The following GSS variants were observed in gnomAD, a reference collection of about 807,000 sequenced individuals.
The protein encoded by GSS is GSH synthetase.
Under a neutral mutation model 60.4 loss-of-function variants are expected in GSS, and 34 were observed. The observed-to-expected ratio is 0.56, with a 90% CI of 0.43 to 0.75. The LOEUF (loss-of-function observed/expected upper bound fraction) is 0.75. GSS is among the 30% of genes least tolerant of loss of function. The pLI is 0.00. For missense variants in GSS, 499 were observed against 595.1 expected (o/e 0.84, Z 1.68); for synonymous variants, 224 against 239.0 (o/e 0.94, Z 0.58).
rs1326090282 is a variant in GSS at position 34,951,834 on chromosome 20, T to G, written c.19A>C (p.Ser7Arg). The change falls in exon 2 of 13, where the codon AGC becomes CGC. Residue 7 changes from serine (S) to arginine (R), a missense_variant. Physicochemically the swap from Ser to Arg is moderately radical, Grantham distance 110. Coordinates refer to ENST00000651619, the MANE Select transcript of GSS (RefSeq NM_000178.4). MATNWGSLLQDKQQLEE... is the reference protein window; with the variant it reads MATNWGRLLQDKQQLEE... ...AGCTGCTGTTTATCCTGCAAGAGGC[T>G]CCCCCAGTTGGTGGCCATCCCAACA... 6.2e-7 allele frequency: 1 copy of G among 1,613,958 alleles called. No individual in the cohort carries two copies. Among genetic ancestry groups the G allele is most frequent in the Non-Finnish European group, 8.5e-7 (1 of 1,180,030 alleles).
chr20:34,955,379 A>G (rs1311092398), intron 1 of GSS: 2 of 152,260 alleles, frequency 1.3e-5, no homozygotes, highest in African/African-American at 4.8e-5. Context: ...CGAGGCAACG[A>G]CACGGTCGGC....
In GSS at chr20:34,951,482, T is replaced by C. The variant is rs1022953034; in HGVS notation, c.129+242A>G. The C allele has an allele frequency of 2.0e-4, 105 of 522,998 alleles. 3 individuals carry two copies. Among genetic ancestry groups the C allele is most frequent in the Admixed American group, 2.6e-4 (8 of 30,834 alleles). 32.4% of individuals were successfully genotyped at this position (522,998 alleles called of 1,614,324 possible). ...CCTATTATTATCCCATTTTTACACC[T>C]GAAGAAACTGCAGCTGAGAGCGGTT... is the stretch of plus-strand genomic sequence containing the variant. On this transcript the variant is annotated intron_variant, in intron 2 of 12. Transcript: ENST00000651619.
rs1452277210 is a variant in GSS, at chr20:34,946,093, C to T, written c.135G>A (p.Val45=). 4 of 1,609,076 alleles carry T rather than the reference C, an allele frequency of 2.5e-6. No homozygotes were observed. The highest frequency in any genetic ancestry group is 2.7e-5 in the African/African-American group (2 of 74,820). The part of the protein sequence containing the change: ...TSQEPTSSEV[V]SYAPFTLFPS... ...GGAAGAGCGTGAATGGGGCATAGCT[C>T]ACCACCTGTGATCAAGAAGAGAGAA... Residue 45 remains valine (V), a synonymous_variant, in exon 3 of 13, where the codon GTG becomes GTA. Transcript: ENST00000651619.
Position 34,936,797 on chromosome 20 carries a change from T to TTTCAGA in GSS, c.727_732dup (p.Ser243_Glu244dup). 2 of 1,614,132 alleles carry TTTCAGA rather than the reference T, an allele frequency of 1.2e-6. No individual in the cohort carries two copies. Among genetic ancestry groups the TTTCAGA allele is most frequent in the Non-Finnish European group, 1.7e-6 (2 of 1,179,996 alleles). On this transcript the variant is annotated inframe_insertion, in exon 8 of 13. Transcript: ENST00000651619. Reference sequence around the variant, plus strand: ...CTTCGGTCTTGGTCCAGAGACCCCTTTTCAGAGATATCTTCAAATGTTCGT... The same window carrying TTTCAGA: ...CTTCGGTCTTGGTCCAGAGACCCCTTTTCAGATTCAGAGATATCTTCAAATGTTCGT...
chr20:34,950,963 A>G lies in GSS; in HGVS notation c.129+761T>C, dbSNP rs369624451. 4.5e-4 allele frequency among the ~76,000 whole-genome samples: 69 copies of G among 152,270 alleles called. No individual in the cohort carries two copies. In the East Asian group the frequency reaches 5.8e-3, roughly 13 times the overall value. On this transcript the variant is annotated intron_variant, in intron 2 of 12. Coordinates refer to ENST00000651619, the MANE Select transcript of GSS (RefSeq NM_000178.4). ...TTTTCTTCCCTAAGGATGAGGTTTT[A>G]AAAAGGTGTGGTTTGGACTCAGCAG...
At chr20:34,946,535 A>G (rs182842563) in intron 2 of GSS, 1 of 155,584 alleles carries the variant, frequency 6.4e-6, no homozygotes, top group African/African-American at 2.4e-5. Flanking sequence ...TTGAACCAGA[A>G]CAGTTAACAG....
At chr20:34,942,377 C>A in intron 5 of GSS, 111 bp downstream of exon 5, 1 of 1,031,582 alleles carries the variant, frequency 9.7e-7, no homozygotes, top group East Asian at 2.4e-5. Flanking sequence ...ACATGTGACC[C>A]GGGGCCCAGG....
intron 6 of GSS, among the ~76,000 whole-genome samples, chr20:34,938,161 A>G (rs113894951): frequency 7.9e-5 from 12 of 152,174 alleles, no homozygotes; most frequent in African/African-American, 2.6e-4. Flanking sequence ...CTCAGCCTCC[A>G]AACTCCATTT....
At chr20:34,931,312 C>T (rs768630694) in intron 11 of GSS, 24 bp downstream of exon 11, 2 of 1,575,884 alleles carry the variant, frequency 1.3e-6, no homozygotes, top group Non-Finnish European at 1.7e-6. Flanking sequence ...CATTGAGGAG[C>T]CCTGCAAAGG....
rs150141794 is a variant in GSS at position 34,929,449 on chromosome 20, C to T, written c.1253G>A (p.Arg418Gln). The change falls in exon 12 of 13, where the codon CGA (arginine) becomes CAA (glutamine). Residue 418 changes from arginine (R) to glutamine (Q), a missense_variant. By Grantham distance (43) the Arg-to-Gln change is conservative. Coordinates refer to ENST00000651619, the MANE Select transcript of GSS (RefSeq NM_000178.4). Reference sequence around the variant, plus strand: ...CAGCTCTGAAATGCACTGGACCACTCGGGCAGGGCTGCCAGGCCGTAGCAG... The same window carrying T: ...CAGCTCTGAAATGCACTGGACCACTTGGGCAGGGCTGCCAGGCCGTAGCAG... The part of the protein sequence containing the change: ...NCLLRPGSPA[R>Q]VVQCISELGI... 1,749 of 1,614,164 alleles carry T rather than the reference C, an allele frequency of 1.1e-3. 2 individuals are homozygous for T. Among genetic ancestry groups the T allele is most frequent in the Non-Finnish European group, 1.3e-3 (1,547 of 1,180,008 alleles).
chr20:34,941,926 G>A (rs1310926158), intron 5 of GSS, 97 bp from the exon 6 acceptor site: 2 of 774,384 alleles, frequency 2.6e-6, no homozygotes, highest in Non-Finnish European at 4.7e-6. Flanking sequence ...CTGAGAATCA[G>A]CTGAGCACTA....
At chr20:34,941,439 C>G (rs2081482174) in intron 6 of GSS, among the ~76,000 whole-genome samples, 1 of 152,112 alleles carries the variant, frequency 6.6e-6, no homozygotes, top group African/African-American at 2.4e-5. Flanking sequence ...TTGCGTGCCT[C>G]TCTAACCCTA....
At chr20:34,953,398 A>T (rs1053859422) in intron 1 of GSS, among the ~76,000 whole-genome samples, 4 of 152,172 alleles carry the variant, frequency 2.6e-5, no homozygotes, top group African/African-American at 7.2e-5. Flanking sequence ...GGGTCCTGAT[A>T]ATATCCCTGT....
chr20:34,944,296 T>G (rs1320060588), intron 3 of GSS, among the ~76,000 whole-genome samples: 2 of 152,212 alleles, frequency 1.3e-5, no homozygotes, highest in Non-Finnish European at 2.9e-5. Context: ...AAAGATGAGC[T>G]GCAAGTCTCC....
Position 34,945,938 on chromosome 20 carries a change from T to G in GSS, c.275+15A>C. 1 of 1,613,730 alleles carries G rather than the reference T, an allele frequency of 6.2e-7. No individual in the cohort carries two copies. The highest frequency in any genetic ancestry group is 8.5e-7 in the Non-Finnish European group (1 of 1,179,750). Reference sequence around the variant, plus strand: ...CTGGCAGCTCCTGGCCCCCCAATGCTTCACTGTCCCCTACCTGGAAAGAGT... The same window carrying G: ...CTGGCAGCTCCTGGCCCCCCAATGCGTCACTGTCCCCTACCTGGAAAGAGT... On this transcript the variant is annotated intron_variant, in intron 3 of 12. Coordinates refer to ENST00000651619, the MANE Select transcript of GSS (RefSeq NM_000178.4).
chr20:34,935,728 G>T, intron 8 of GSS, 86 bp from the exon 9 acceptor site: 1 of 1,126,422 alleles, frequency 8.9e-7, no homozygotes, highest in Non-Finnish European at 1.3e-6. Flanking sequence ...GCATCAAGAT[G>T]AATTTGGCTT....
intron 2 of GSS, chr20:34,950,190 GA>G (rs1417028828): frequency 6.6e-6 from 1 of 152,110 alleles, no homozygotes; most frequent in Non-Finnish European, 1.5e-5. Context: ...GCGTGGAAGA[GA>G]AAATGCTTCA....
intron 2 of GSS, chr20:34,949,959 T>C (rs1325928916): frequency 6.6e-6 from 1 of 151,826 alleles, no homozygotes; most frequent in Non-Finnish European, 1.5e-5. Context: ...TGGCCCGGCA[T>C]AGAGCAGGCA....
intron 9 of GSS, among the ~76,000 whole-genome samples, chr20:34,934,588 T>C (rs2081426595): frequency 6.6e-6 from 1 of 152,160 alleles, no homozygotes; most frequent in Non-Finnish European, 1.5e-5. Context: ...AGACCTATTT[T>C]TCTAATAGAC....
Sources: gnomAD v4.1 joint callset for allele counts (sites outside exome capture counted in the v4.1 genomes callset) on GRCh38, gnomAD v4.1.1 for gene constraint, MANE v1.5 for transcripts, NCBI Gene and HGNC (gene_info 2026-07-23, HGNC 2026-07-21) for gene names.